The following PDZD8 variants were observed in gnomAD, a reference collection of about 807,000 sequenced individuals.
The protein encoded by PDZD8 is PDZ domain containing 8, also known as PDZ domain-containing protein 8.
Under a neutral mutation model 85.8 loss-of-function variants are expected in PDZD8, and 14 were observed. The observed-to-expected ratio is 0.16, with a 90% CI of 0.11 to 0.26. The LOEUF (loss-of-function observed/expected upper bound fraction) is 0.26. Ranked by LOEUF, PDZD8 falls within the 10% of genes least tolerant of loss-of-function variation. PDZD8 has a pLI of 1.00. For synonymous variants in PDZD8, 592 were observed against 568.6 expected (o/e 1.04, Z -0.59); for missense variants, 1,197 against 1,424.3 (o/e 0.84, Z 2.57).
intron 2 of PDZD8, among the ~76,000 whole-genome samples, chr10:117,325,585 C>T (rs2803802): frequency 0.77 from 115,762 of 150,764 alleles, 45,093 homozygotes; most frequent in Non-Finnish European, 0.85. Context: ...GTATGTTTAG[C>T]AGAGATGGGG....
At chr10:117,343,104 T>C (rs947175902) in intron 1 of PDZD8, among the ~76,000 whole-genome samples, 1 of 152,134 alleles carries the variant, frequency 6.6e-6, no homozygotes, top group East Asian at 1.9e-4. Context: ...TCACACACTA[T>C]CAGGATTTGA....
chr10:117,356,715 G>A (rs943902999), intron 1 of PDZD8, among the ~76,000 whole-genome samples: 1 of 152,078 alleles, frequency 6.6e-6, no homozygotes, highest in African/African-American at 2.4e-5. Context: ...CCTAATCTGG[G>A]GTTGGGGAGA....
intron 2 of PDZD8, among the ~76,000 whole-genome samples, chr10:117,322,169 T>C (rs1297493985): frequency 6.6e-6 from 1 of 152,178 alleles, no homozygotes; most frequent in Non-Finnish European, 1.5e-5. Context: ...TGCTAGATCC[T>C]AATAAGAACA....
chr10:117,337,180 C>G (rs911591550), intron 2 of PDZD8, among the ~76,000 whole-genome samples: 2 of 151,798 alleles, frequency 1.3e-5, no homozygotes, highest in African/African-American at 4.8e-5. Context: ...TGTTTTTGAT[C>G]TAATATATCT....
chr10:117,288,508 A>T (rs1360959563), intron 4 of PDZD8, among the ~76,000 whole-genome samples: 3 of 151,880 alleles, frequency 2.0e-5, no homozygotes, highest in African/African-American at 7.3e-5. Context: ...ATCTTAATAC[A>T]TATTATTATT....
intron 3 of PDZD8, among the ~76,000 whole-genome samples, chr10:117,292,882 T>C (rs1441361988): frequency 6.6e-6 from 1 of 151,992 alleles, no homozygotes; most frequent in Admixed American, 6.6e-5. Flanking sequence ...TAATTTCAAG[T>C]ATGTACAGGG....
chr10:117,373,758 C>A (rs769274278), intron 1 of PDZD8, among the ~76,000 whole-genome samples: 2 of 151,192 alleles, frequency 1.3e-5, no homozygotes, highest in Non-Finnish European at 2.9e-5. Flanking sequence ...CCAGCCTGGG[C>A]GACACAGCAA....
At chr10:117,373,604 CAAAAA>C (rs796930758) in intron 1 of PDZD8, among the ~76,000 whole-genome samples, 64 of 52,430 alleles carry the variant, frequency 1.2e-3, no homozygotes, top group African/African-American at 4.1e-3. Context: ...CTAAAAAATA[CAAAAA>C]AAAAAAAAAA....
chr10:117,343,677 G>A (rs1844655515), intron 1 of PDZD8, among the ~76,000 whole-genome samples: 1 of 152,324 alleles, frequency 6.6e-6, no homozygotes, highest in Non-Finnish European at 1.5e-5. Flanking sequence ...AGGAGTATGA[G>A]TTGAATGTTA....
intron 4 of PDZD8, among the ~76,000 whole-genome samples, chr10:117,285,996 G>A (rs570021892): frequency 1.3e-5 from 2 of 152,224 alleles, no homozygotes; most frequent in East Asian, 1.9e-4. Context: ...TATGAATAAC[G>A]TACTTTTACA....
chr10:117,341,671 T>C (rs914579068), intron 1 of PDZD8, among the ~76,000 whole-genome samples: 2 of 152,230 alleles, frequency 1.3e-5, no homozygotes, highest in Non-Finnish European at 2.9e-5. Context: ...GTTAAGACTA[T>C]ATTGTTCAGA....
chr10:117,333,012 G>C (rs541647962), intron 2 of PDZD8, among the ~76,000 whole-genome samples: 10 of 149,640 alleles, frequency 6.7e-5, no homozygotes, highest in Admixed American at 4.7e-4. Context: ...TCAGCTATTT[G>C]AGAAGCTGAG....
chr10:117,367,923 C>T (rs191529674), intron 1 of PDZD8, among the ~76,000 whole-genome samples: 4 of 151,836 alleles, frequency 2.6e-5, no homozygotes, highest in East Asian at 1.9e-4. Context: ...AAAAAAAAAG[C>T]TAAGGTCACA....
intron 3 of PDZD8, among the ~76,000 whole-genome samples, chr10:117,315,546 C>T (rs188330315): frequency 3.9e-4 from 56 of 143,558 alleles, no homozygotes; most frequent in African/African-American, 1.4e-3. Context: ...GCTGAGACTG[C>T]GCCACTGCAC....
At chr10:117,367,997 C>T (rs569402001) in intron 1 of PDZD8, among the ~76,000 whole-genome samples, 24 of 152,214 alleles carry the variant, frequency 1.6e-4, no homozygotes, top group African/African-American at 5.8e-4. Context: ...ATATTGATCT[C>T]TCCTGTTCCA....
intron 1 of PDZD8, among the ~76,000 whole-genome samples, chr10:117,353,743 G>A (rs1223927978): frequency 7.4e-6 from 1 of 134,936 alleles, no homozygotes; most frequent in Non-Finnish European, 1.6e-5. Flanking sequence ...TACAGACAAA[G>A]CAAGATGAGG....
chr10:117,357,766 C>CAAAAAAAAAAAAAAAAAAAAAAAAAAA (rs767138640), intron 1 of PDZD8, among the ~76,000 whole-genome samples: 1 of 47,438 alleles, frequency 2.1e-5, no homozygotes, highest in Admixed American at 3.4e-4. Flanking sequence ...ACTTCATCTC[C>CAAAAAAAAAAAAAAAAAAAAAAAAAAA]AAAAAAAAAA....
Position 117,375,359 on chromosome 10 carries a change from TC to T in PDZD8, c.-133del. 3.1e-6 allele frequency: 2 copies of T among 652,400 alleles called. No homozygotes were observed. Among genetic ancestry groups the T allele is most frequent in the Non-Finnish European group, 4.4e-6 (2 of 450,394 alleles). 40.4% of individuals were successfully genotyped at this position (652,400 alleles called of 1,614,324 possible). A position where few individuals can be genotyped will look rare whatever the true frequency, so the allele number is the denominator to read the frequency against. On this transcript the variant is annotated 5_prime_UTR_variant, in exon 1 of 5. Coordinates refer to ENST00000334464, the MANE Select transcript of PDZD8 (RefSeq NM_173791.5). ...GGGGCGAGCGGCTCCGTGGGCCTCGTCCAGGGGCTCGGGCCGGCGCGCTGCG... is the reference window on the plus strand; with the variant it reads ...GGGGCGAGCGGCTCCGTGGGCCTCGTCAGGGGCTCGGGCCGGCGCGCTGCG...
chr10:117,326,840 G>A (rs1301379076), intron 2 of PDZD8, among the ~76,000 whole-genome samples: 1 of 151,990 alleles, frequency 6.6e-6, no homozygotes, highest in African/African-American at 2.4e-5. Flanking sequence ...TGTTACAGAT[G>A]GATAAATACA....
Sources: allele counts gnomAD v4.1 joint callset (sites outside exome capture counted in the v4.1 genomes callset), GRCh38; gene constraint gnomAD v4.1.1; transcripts MANE v1.5; gene names NCBI Gene and HGNC (gene_info 2026-07-23, HGNC 2026-07-21).